Variants in EVI5 observed in about 807,000 individuals in gnomAD.
EVI5 encodes the protein ecotropic viral integration site 5 protein homolog.
EVI5 carries 73 observed loss-of-function variants against 112.0 expected under a neutral mutation model. The observed-to-expected ratio is 0.65, with a 90% CI of 0.54 to 0.79. EVI5 has a LOEUF of 0.79. Ranked by LOEUF, EVI5 falls within the 30% of genes least tolerant of loss-of-function variation. The pLI is 0.00. For missense variants in EVI5, 900 were observed against 968.8 expected (o/e 0.93, Z 0.94); for synonymous variants, 305 against 319.9 (o/e 0.95, Z 0.50).
chr1:92,569,355 C>A (rs1021202323), intron 18 of EVI5, among the ~76,000 whole-genome samples: 14 of 152,064 alleles, frequency 9.2e-5, no homozygotes, highest in African/African-American at 3.4e-4. Context: ...GGATTTGTTA[C>A]AAAAGTCTAT....
chr1:92,622,653 A>T (rs1038788848), intron 16 of EVI5, among the ~76,000 whole-genome samples: 1 of 152,170 alleles, frequency 6.6e-6, no homozygotes, highest in African/African-American at 2.4e-5. Flanking sequence ...TACTATTTTT[A>T]TTTATTTATT....
At chr1:92,643,375 C>T (rs1660356938) in intron 13 of EVI5, among the ~76,000 whole-genome samples, 2 of 145,698 alleles carry the variant, frequency 1.4e-5, no homozygotes, top group Non-Finnish European at 3.0e-5. Context: ...TCAATGATCA[C>T]TCAAGTGATC....
chr1:92,545,546 G>T (rs528057434), intron 19 of EVI5, among the ~76,000 whole-genome samples: 31 of 152,158 alleles, frequency 2.0e-4, no homozygotes, highest in Admixed American at 7.2e-4. Flanking sequence ...GTAGCTTCGT[G>T]GATAACAGTA....
At chr1:92,567,772 G>C (rs1669723438) in intron 18 of EVI5, among the ~76,000 whole-genome samples, 1 of 152,144 alleles carries the variant, frequency 6.6e-6, no homozygotes, top group African/African-American at 2.4e-5. Flanking sequence ...ATCAGATACA[G>C]TTATCTAAGC....
intron 18 of EVI5, among the ~76,000 whole-genome samples, chr1:92,597,504 T>C (rs546917804): frequency 1.3e-5 from 2 of 152,340 alleles, no homozygotes; most frequent in African/African-American, 2.4e-5. Flanking sequence ...TACTCTGTAA[T>C]GGTAAATTCA....
rs142803129 is a variant in EVI5 at position 92,688,341 on chromosome 1, C to A, written c.1097+5461G>T. ...AGGTGGGAGCTGAACAAAACCTGTA[C>A]GTTGTGCACATGTACCCTAGAACTT... On this transcript the variant is annotated intron_variant, in intron 9 of 19. Transcript: ENST00000684568. 2.4e-3 allele frequency among the ~76,000 whole-genome samples: 362 copies of A among 152,212 alleles called. 2 individuals are homozygous for A. Among genetic ancestry groups the A allele is most frequent in the Non-Finnish European group, 4.4e-3 (298 of 68,002 alleles).
chr1:92,709,752 T>C (rs1322451438), intron 2 of EVI5, among the ~76,000 whole-genome samples: 1 of 152,174 alleles, frequency 6.6e-6, no homozygotes, highest in African/African-American at 2.4e-5. Flanking sequence ...ATAATTTACG[T>C]GTTCAAGAAT....
At chr1:92,719,057 C>T (rs1674290052) in intron 2 of EVI5, among the ~76,000 whole-genome samples, 1 of 152,002 alleles carries the variant, frequency 6.6e-6, no homozygotes, top group Admixed American at 6.6e-5. Context: ...TAATTAATAC[C>T]CTACCAACGA....
chr1:92,765,634 A>T (rs930346480), intron 1 of EVI5, among the ~76,000 whole-genome samples: 21 of 152,088 alleles, frequency 1.4e-4, no homozygotes, highest in African/African-American at 5.1e-4. Flanking sequence ...TTCTTTTTAT[A>T]ATCAAATTCT....
At chr1:92,674,560 T>C (rs1034725917) in intron 10 of EVI5, among the ~76,000 whole-genome samples, 3 of 151,904 alleles carry the variant, frequency 2.0e-5, no homozygotes, top group South Asian at 2.1e-4. Flanking sequence ...AGGGAAGGAA[T>C]AGCATTAGGA....
intron 19 of EVI5, among the ~76,000 whole-genome samples, chr1:92,519,328 GGAGCAGTCAGAAGAAA>G (rs1465956545): frequency 7.2e-5 from 11 of 152,190 alleles, no homozygotes; most frequent in African/African-American, 2.7e-4. Flanking sequence ...ACTAGAGACT[GGAGCAGTCAGAAGAAA>G]GATTTCTTCA....
At chr1:92,773,197 C>CAAA (rs34570423) in intron 1 of EVI5, among the ~76,000 whole-genome samples, 20 of 131,606 alleles carry the variant, frequency 1.5e-4, no homozygotes, top group South Asian at 2.4e-4. Context: ...CAGGCTGTCT[C>CAAA]AAAAAAAAAA....
chr1:92,594,226 T>G (rs1449053651), intron 18 of EVI5, among the ~76,000 whole-genome samples: 2 of 151,948 alleles, frequency 1.3e-5, no homozygotes, highest in South Asian at 2.1e-4. Context: ...AGATATAGAT[T>G]AATGGAACAG....
intron 19 of EVI5, among the ~76,000 whole-genome samples, chr1:92,546,502 G>T (rs1665729822): frequency 1.3e-5 from 2 of 152,086 alleles, no homozygotes; most frequent in South Asian, 4.2e-4. Flanking sequence ...TTCAAGACCA[G>T]CCTGGCCAAC....
intron 14 of EVI5, among the ~76,000 whole-genome samples, chr1:92,630,266 T>G (rs1204603925): frequency 6.6e-6 from 1 of 152,216 alleles, no homozygotes; most frequent in Non-Finnish European, 1.5e-5. Context: ...ATGGTTGAAC[T>G]AGTTTACAGT....
At chr1:92,540,701 T>C (rs1475417146) in intron 19 of EVI5, among the ~76,000 whole-genome samples, 1 of 152,224 alleles carries the variant, frequency 6.6e-6, no homozygotes, top group Admixed American at 6.5e-5. Flanking sequence ...TTATCTATTT[T>C]CTTCTCTGCT....
In EVI5 at chr1:92,563,676, TC is replaced by T; in HGVS notation, c.2131del (p.Glu711AsnfsTer2). On this transcript the variant is annotated frameshift_variant, in exon 19 of 20. Transcript: ENST00000684568. LOFTEE classifies it high-confidence loss of function. ...CAGCTCTGCTATCTGATCTTTCAGT[TC>T]CCCAATATACTGGTTAGAATCAGAC... ...NKSDSNQYIG[E>X]LKDQIAELNH... is the part of the protein sequence containing the mutation. 1 of 1,604,172 alleles carries T rather than the reference TC, an allele frequency of 6.2e-7. No individual in the cohort carries two copies. The highest frequency in any genetic ancestry group is 8.5e-7 in the Non-Finnish European group (1 of 1,173,220).
rs1428624483 is a variant in EVI5, at chr1:92,693,785, A to C, written c.1097+17T>G. Reference sequence around the variant, plus strand: ...GCAACTTCCACTGAATTTCCAACAAAAATATAAAATACTTACTTTTTCATT... The same window carrying C: ...GCAACTTCCACTGAATTTCCAACAACAATATAAAATACTTACTTTTTCATT... On this transcript the variant is annotated intron_variant, in intron 9 of 19. Transcript: ENST00000684568. The C allele has an allele frequency of 7.1e-7, 1 of 1,415,442 alleles. No homozygotes were observed. The highest frequency in any genetic ancestry group is 2.3e-5 in the East Asian group (1 of 43,918). 87.7% of individuals were successfully genotyped at this position (1,415,442 alleles called of 1,614,324 possible).
chr1:92,643,626 C>T (rs1660404166), intron 13 of EVI5, among the ~76,000 whole-genome samples: 1 of 151,972 alleles, frequency 6.6e-6, no homozygotes, highest in Non-Finnish European at 1.5e-5. Context: ...CAAGTGCCAG[C>T]GTAAAATGGA....
Sources: allele counts gnomAD v4.1 joint callset (sites outside exome capture counted in the v4.1 genomes callset), GRCh38; gene constraint gnomAD v4.1.1; transcripts MANE v1.5; gene names NCBI Gene and HGNC (gene_info 2026-07-23, HGNC 2026-07-21).